ARRDC1: variants seen among roughly 807,000 people sequenced by gnomAD.
The protein encoded by ARRDC1 is arrestin domain containing 1.
In ARRDC1, 37 loss-of-function variants were observed where a neutral mutation model predicts 40.1. The observed-to-expected ratio is 0.92, with a 90% CI of 0.71 to 1.21. ARRDC1 has a LOEUF of 1.21. ARRDC1 is among the 50% of genes most tolerant of loss of function. The pLI, the probability that ARRDC1 is intolerant of heterozygous loss-of-function variation, is 0.00. For synonymous variants in ARRDC1, 310 were observed against 262.5 expected (o/e 1.18, Z -1.75); for missense variants, 641 against 581.9 (o/e 1.10, Z -1.04).
intron 2 of ARRDC1, 192 bp from the exon 3 acceptor site, chr9:137,613,268 C>T (rs1256693333): frequency 3.9e-6 from 3 of 769,454 alleles, no homozygotes; most frequent in Non-Finnish European, 6.6e-6. Context: ...AACCACTCTC[C>T]TGTTCAAGCC....
At chr9:137,607,979 T>C (rs1564498763) in intron 1 of ARRDC1, among the ~76,000 whole-genome samples, 3 of 152,298 alleles carry the variant, frequency 2.0e-5, no homozygotes, top group Non-Finnish European at 2.9e-5. Context: ...TTTTTATTTT[T>C]ATTTTTTTAA....
In ARRDC1 at chr9:137,613,525, T is replaced by TG. The variant is rs1842582089; in HGVS notation, c.280+17dup. 3.7e-6 allele frequency: 6 copies of TG among 1,613,864 alleles called. No individual in the cohort carries two copies. Among genetic ancestry groups the TG allele is most frequent in the Non-Finnish European group, 5.1e-6 (6 of 1,179,942 alleles). On this transcript the variant is annotated intron_variant, in intron 3 of 7. Coordinates refer to ENST00000371421, the MANE Select transcript of ARRDC1 (RefSeq NM_152285.4). ...CCTGCTTCCTGGTGAGAGCCCAGCC[T>TG]GGACAGGCCTGGTGATGACCAACTG... is the stretch of plus-strand genomic sequence containing the variant.
Position 137,614,076 on chromosome 9 carries a change from G to C in ARRDC1, c.480G>C (p.Leu160=), listed in dbSNP as rs144526192. 3.2e-4 allele frequency: 516 copies of C among 1,613,858 alleles called. 3 individuals carry two copies. In the African/African-American group the frequency reaches 6.2e-3, roughly 19 times the overall value. Residue 160 remains leucine (L), a synonymous_variant, in exon 5 of 8, where the codon CTG becomes CTC. Transcript: ENST00000371421. ...CCACCAAGAAGTTCTCCTACAAGCT[G>C]GTGAAGACGGGCAGCGTGGTCCTCA... ...ASATKKFSYK[L]VKTGSVVLTA... is the part of the protein sequence containing the mutation.
At position 137,612,780 on chromosome 9, in the gene ARRDC1, T is replaced by C; in HGVS notation, c.119-116T>C. On this transcript the variant is annotated intron_variant, in intron 1 of 7. Transcript: ENST00000371421. ...GCATGGGCTGCTTGCTCACTGGCCT[T>C]CCCAGGACCCTGCCCAGGTGGTGCT... 2.7e-6 allele frequency: 2 copies of C among 745,566 alleles called. 1 individual carries two copies. The highest frequency in any genetic ancestry group is 3.2e-5 in the South Asian group (2 of 63,154). 46.2% of individuals were successfully genotyped at this position (745,566 alleles called of 1,614,324 possible). A position where few individuals can be genotyped will look rare whatever the true frequency, so the allele number is the denominator to read the frequency against.
At position 137,614,822 on chromosome 9, in the gene ARRDC1, T is replaced by G; in HGVS notation, c.1059T>G (p.Pro353=). ...QPLLATLSSV[P]GAPEPCPQDG... ...TGCTGGCCACCTTGAGTTCTGTGCC[T>G]GGTGCGCCGGAGCCCTGCCCTCAGG... The change falls in exon 7 of 8, where the codon CCT becomes CCG. Residue 353 remains proline (P), a synonymous_variant. Transcript: ENST00000371421. The G allele has an allele frequency of 6.2e-7, 1 of 1,613,190 alleles. No homozygotes were observed. Among genetic ancestry groups the G allele is most frequent in the African/African-American group, 1.3e-5 (1 of 75,008 alleles).
intron 1 of ARRDC1, among the ~76,000 whole-genome samples, chr9:137,609,819 C>T (rs1243590578): frequency 2.0e-5 from 3 of 152,252 alleles, no homozygotes; most frequent in Non-Finnish European, 4.4e-5. Context: ...AGCCACTGCG[C>T]CCAGCTGTGT....
chr9:137,612,973 T>C lies in ARRDC1; in HGVS notation c.196T>C (p.Tyr66His). The C allele has an allele frequency of 3.1e-6, 5 of 1,614,136 alleles. No individual in the cohort carries two copies. The highest frequency in any genetic ancestry group is 4.2e-6 in the Non-Finnish European group (5 of 1,179,984). Residue 66 changes from tyrosine to histidine, a missense_variant, in exon 2 of 8, where the codon TAC becomes CAC. Transcript: ENST00000371421. Reference sequence around the variant, plus strand: ...CACAGCGTGGGTAGTGGAGGAGGGTTACTTCAACAGTTCCCTGTCGCTGGC... The same window carrying C: ...CACAGCGTGGGTAGTGGAGGAGGGTCACTTCAACAGTTCCCTGTCGCTGGC... The part of the protein sequence containing the change: ...NDTAWVVEEG[Y>H]FNSSLSLADK...
At position 137,613,005 on chromosome 9, in the gene ARRDC1, G is replaced by A. The variant is rs759558020; in HGVS notation, c.228G>A (p.Lys76=). 4 of 1,612,324 alleles carry A rather than the reference G, an allele frequency of 2.5e-6. No individual in the cohort carries two copies. The Admixed American group carries it at 5.0e-5, about 20-fold the overall frequency. The change falls in exon 2 of 8, where the codon AAG becomes AAA. Residue 76 remains lysine (K), a splice_region_variant and synonymous_variant. Coordinates refer to ENST00000371421, the MANE Select transcript of ARRDC1 (RefSeq NM_152285.4). The part of the protein sequence containing the change: ...YFNSSLSLAD[K]GSLPAGEHSF... ...ACAGTTCCCTGTCGCTGGCAGACAAGGGTAAGTTTGGGAGCCAGTTCCCGA... is the reference window on the plus strand; with the variant it reads ...ACAGTTCCCTGTCGCTGGCAGACAAAGGTAAGTTTGGGAGCCAGTTCCCGA...
rs1209852457 is a variant in ARRDC1 at position 137,615,255 on chromosome 9, C to T, written c.*117C>T. 9.9e-7 allele frequency: 1 copy of T among 1,009,690 alleles called. No homozygotes were observed. Among genetic ancestry groups the T allele is most frequent in the Non-Finnish European group, 1.4e-6 (1 of 730,728 alleles). 62.5% of individuals were successfully genotyped at this position (1,009,690 alleles called of 1,614,324 possible). ...CACTCAGGACCTGCCCAGCCTCTGCCAGCTCCTCTGGCATCCGCCCTCTTC... is the reference window on the plus strand; with the variant it reads ...CACTCAGGACCTGCCCAGCCTCTGCTAGCTCCTCTGGCATCCGCCCTCTTC... On this transcript the variant is annotated 3_prime_UTR_variant, in exon 8 of 8. Coordinates refer to ENST00000371421, the MANE Select transcript of ARRDC1 (RefSeq NM_152285.4).
intron 1 of ARRDC1, chr9:137,612,420 T>G (rs1588988329): frequency 5.4e-6 from 1 of 184,576 alleles, no homozygotes; most frequent in Non-Finnish European, 1.1e-5. Context: ...CCTAGGCGGG[T>G]CTGGCCACAT....
intron 1 of ARRDC1, among the ~76,000 whole-genome samples, chr9:137,611,146 TTGGGCTGTCTGC>T (rs1396874486): frequency 6.6e-6 from 1 of 152,212 alleles, no homozygotes; most frequent in East Asian, 1.9e-4. Flanking sequence ...TGTGCTTCTG[TTGGGCTGTCTGC>T]TGGTCCACAG....
chr9:137,614,759 C>A lies in ARRDC1; in HGVS notation c.996C>A (p.Val332=). 6.2e-7 allele frequency: 1 copy of A among 1,610,468 alleles called. No individual in the cohort carries two copies. The highest frequency in any genetic ancestry group is 8.5e-7 in the Non-Finnish European group (1 of 1,178,364). ...AAGGPHFLDP[V]FLSTKSHSQR... is the part of the protein sequence containing the mutation. ...GCGGCCCCCACTTCTTGGACCCCGT[C>A]TTCCTCTCCACCAAGAGCCATTCGC... The change falls in exon 7 of 8, where the codon GTC becomes GTA. Residue 332 remains valine, a synonymous_variant. Transcript: ENST00000371421.
intron 1 of ARRDC1, among the ~76,000 whole-genome samples, chr9:137,609,259 G>A (rs1056794749): frequency 2.0e-5 from 3 of 151,570 alleles, no homozygotes; most frequent in South Asian, 2.1e-4. Context: ...ATTTATTTAC[G>A]TTGCTCTTGT....
At position 137,612,962 on chromosome 9, in the gene ARRDC1, T is replaced by A. The variant is rs770743629; in HGVS notation, c.185T>A (p.Val62Glu). ...AAGGCTAATGACACAGCGTGGGTAG[T>A]GGAGGAGGGTTACTTCAACAGTTCC... Reference protein sequence around the residue: ...SNKANDTAWVVEEGYFNSSLS... With the variant: ...SNKANDTAWVEEEGYFNSSLS... The change falls in exon 2 of 8, where the codon GTG (valine) becomes GAG (glutamate). Residue 62 changes from valine to glutamate, a missense_variant. By Grantham distance (121) the Val-to-Glu change is moderately radical. Transcript: ENST00000371421. The A allele has an allele frequency of 6.2e-7, 1 of 1,614,018 alleles. No individual in the cohort carries two copies. The highest frequency in any genetic ancestry group is 2.2e-5 in the East Asian group (1 of 44,896).
Position 137,614,182 on chromosome 9 carries a change from G to GA in ARRDC1, c.587dup (p.Asp196GlufsTer16), listed in dbSNP as rs1564503268. 1 of 1,609,028 alleles carries GA rather than the reference G, an allele frequency of 6.2e-7. No individual in the cohort carries two copies. Reference sequence around the variant, plus strand: ...CGACGTTGAGAACCAGTCAGGCAAGGACACCAGCCCTGTGGTGGCCAGTCT... The same window carrying GA: ...CGACGTTGAGAACCAGTCAGGCAAGGAACACCAGCCCTGTGGTGGCCAGTCT... On this transcript the variant is annotated frameshift_variant, in exon 5 of 8. Coordinates refer to ENST00000371421, the MANE Select transcript of ARRDC1 (RefSeq NM_152285.4). LOFTEE classifies it high-confidence loss of function.
chr9:137,607,880 G>A (rs898261485), intron 1 of ARRDC1, among the ~76,000 whole-genome samples: 12 of 152,198 alleles, frequency 7.9e-5, no homozygotes, highest in African/African-American at 2.9e-4. Context: ...ACTTGAGAAC[G>A]CAGCCCAGTC....
At position 137,615,184 on chromosome 9, in the gene ARRDC1, TGG is replaced by T; in HGVS notation, c.*49_*50del. The T allele has an allele frequency of 6.8e-7, 1 of 1,474,832 alleles. No homozygotes were observed. Among genetic ancestry groups the T allele is most frequent in the Non-Finnish European group, 9.0e-7 (1 of 1,109,092 alleles). 91.4% of individuals were successfully genotyped at this position (1,474,832 alleles called of 1,614,324 possible). ...GCAGGCCTGGCCTCTGCCCTGGGAC[TGG>T]GGCGCCCAGGGCCTCGTGCCTTCTC... On this transcript the variant is annotated 3_prime_UTR_variant, in exon 8 of 8. Transcript: ENST00000371421.
chr9:137,612,442 G>A (rs1428056311), intron 1 of ARRDC1: 1 of 193,728 alleles, frequency 5.2e-6, no homozygotes. Flanking sequence ...CCTGCAGCAT[G>A]ATGGTTGGCA....
Position 137,613,022 on chromosome 9 carries a change from A to C in ARRDC1, c.229+16A>C. 6.3e-7 allele frequency: 1 copy of C among 1,599,040 alleles called. No homozygotes were observed. The highest frequency in any genetic ancestry group is 8.6e-7 in the Non-Finnish European group (1 of 1,167,728). Reference sequence around the variant, plus strand: ...GCAGACAAGGGTAAGTTTGGGAGCCAGTTCCCGAGTGGTGACCCCTGGGGG... The same window carrying C: ...GCAGACAAGGGTAAGTTTGGGAGCCCGTTCCCGAGTGGTGACCCCTGGGGG... On this transcript the variant is annotated intron_variant, in intron 2 of 7. Coordinates refer to ENST00000371421, the MANE Select transcript of ARRDC1 (RefSeq NM_152285.4).
Sources: gnomAD v4.1 joint callset for allele counts (sites outside exome capture counted in the v4.1 genomes callset) on GRCh38, gnomAD v4.1.1 for gene constraint, MANE v1.5 for transcripts, NCBI Gene and HGNC (gene_info 2026-07-23, HGNC 2026-07-21) for gene names.